The following EXPH5 variants were observed in gnomAD, a reference collection of about 807,000 sequenced individuals.
EXPH5 encodes the protein exophilin 5.
In EXPH5, 42 loss-of-function variants were observed where a neutral mutation model predicts 41.1. The observed-to-expected ratio is 1.02, with a 90% CI of 0.80 to 1.32. The LOEUF (loss-of-function observed/expected upper bound fraction) is 1.32. EXPH5 is among the 40% of genes most tolerant of loss of function. The pLI is 0.00. For missense variants in EXPH5, 2,298 were observed against 2,314.5 expected, an observed-to-expected ratio of 0.99 and a Z score of 0.15; for synonymous variants, 798 against 833.5, an observed-to-expected ratio of 0.96 and a Z score of 0.73.
chr11:108,525,858 T>C (rs184570024), intron 4 of EXPH5, among the ~76,000 whole-genome samples: 2 of 152,078 alleles, frequency 1.3e-5, no homozygotes, highest in East Asian at 3.9e-4. Context: ...AATTTAGAGA[T>C]AGTGCTTTCA....
At chr11:108,542,900 G>A (rs2093920034) in intron 1 of EXPH5, among the ~76,000 whole-genome samples, 2 of 152,054 alleles carry the variant, frequency 1.3e-5, no homozygotes, top group African/African-American at 4.8e-5. Context: ...TGTATTTTTA[G>A]TAGAGACGGG....
Position 108,513,014 on chromosome 11 carries a change from CTGGTGACAACCT to C in EXPH5, c.2481_2492del (p.Gly828_Gln831del), listed in dbSNP as rs1303552972. 1.9e-6 allele frequency: 3 copies of C among 1,613,972 alleles called. No homozygotes were observed. The highest frequency in any genetic ancestry group is 2.5e-6 in the Non-Finnish European group (3 of 1,179,974). On this transcript the variant is annotated inframe_deletion, in exon 6 of 6. Coordinates refer to ENST00000265843, the MANE Select transcript of EXPH5 (RefSeq NM_015065.3). ...TATCTTCATTATTTACAGTTAATTCCTGGTGACAACCTTGGTCTGTCCTGGGGAAAGATGGTG... is the reference window on the plus strand; with the variant it reads ...TATCTTCATTATTTACAGTTAATTCCTGGTCTGTCCTGGGGAAAGATGGTG...
chr11:108,514,008 A>C lies in EXPH5; in HGVS notation c.1499T>G (p.Phe500Cys), dbSNP rs781414657. 3 of 1,613,772 alleles carry C rather than the reference A, an allele frequency of 1.9e-6. No individual in the cohort carries two copies. The highest frequency in any genetic ancestry group is 2.5e-6 in the Non-Finnish European group (3 of 1,179,858). Residue 500 changes from phenylalanine (F) to cysteine (C), a missense_variant, in exon 6 of 6, where the codon TTC (phenylalanine) becomes TGC (cysteine). Phe to Cys is a radical substitution (Grantham distance 205). Transcript: ENST00000265843. ...TTCAAAGTCTCTGTCAGAAGAACTG[A>C]ATGATTTCCTGCTTCGATGAAAGTC... The part of the protein sequence containing the change: ...WSDFHRSRKS[F>C]SSSDRDFEMI...
At chr11:108,597,014 T>G (rs2094139775), upstream of EXPH5, among the ~76,000 whole-genome samples, 1 of 152,146 alleles carries the variant, frequency 6.6e-6, no homozygotes, top group African/African-American at 2.4e-5. Context: ...CTCATCAGTT[T>G]AGTATTTAAT....
Position 108,517,636 on chromosome 11 carries a change from ACAAGGTTAATTGTCT to A in EXPH5, c.631+584_631+598del, listed in dbSNP as rs531178757. Among the ~76,000 whole-genome samples, 186 of 152,370 alleles carry A rather than the reference ACAAGGTTAATTGTCT, an allele frequency of 1.2e-3. 1 individual carries two copies. The highest frequency in any genetic ancestry group is 4.1e-3 in the African/African-American group (172 of 41,582). On this transcript the variant is annotated intron_variant, in intron 5 of 5. Transcript: ENST00000265843. Reference sequence around the variant, plus strand: ...AACCTGTCTCAGTTTTTATCATCATACAAGGTTAATTGTCTAATGTCAATTAGATTTTATCACAGT... The same window carrying A: ...AACCTGTCTCAGTTTTTATCATCATAAATGTCAATTAGATTTTATCACAGT...
At chr11:108,574,829 A>G (rs1290901373) in intron 1 of EXPH5, among the ~76,000 whole-genome samples, 1 of 152,240 alleles carries the variant, frequency 6.6e-6, no homozygotes, top group Admixed American at 6.5e-5. Context: ...CTTCTTGGAT[A>G]TATACCCAAA....
At chr11:108,604,305 A>C in the EXPH5 span, among the ~76,000 whole-genome samples, 3 of 149,668 alleles carry the variant, frequency 2.0e-5, no homozygotes, top group Non-Finnish European at 4.4e-5. Flanking sequence ...CTGAGGTGGG[A>C]GGATCATTGG....
intron 1 of EXPH5, among the ~76,000 whole-genome samples, chr11:108,563,744 C>T (rs2640755): frequency 0.66 from 100,821 of 152,008 alleles, 34,566 homozygotes; most frequent in Non-Finnish European, 0.74. Flanking sequence ...AAAACCACCA[C>T]TGAAGGGGTG....
intron 1 of EXPH5, among the ~76,000 whole-genome samples, chr11:108,574,568 G>C (rs2094073868): frequency 6.6e-6 from 1 of 152,126 alleles, no homozygotes; most frequent in Non-Finnish European, 1.5e-5. Context: ...ATTAAACAGT[G>C]TTGACTGCCT....
At chr11:108,602,963 C>T in the EXPH5 span, among the ~76,000 whole-genome samples, 7 of 152,116 alleles carry the variant, frequency 4.6e-5, no homozygotes, top group South Asian at 2.1e-4. Context: ...GATTGGATCA[C>T]GGGAGCGATT....
At chr11:108,595,972 C>T (rs374531259), upstream of EXPH5, among the ~76,000 whole-genome samples, 15 of 152,056 alleles carry the variant, frequency 9.9e-5, no homozygotes, top group African/African-American at 2.9e-4. Context: ...GAGGCGGAGG[C>T]GGGCAGATCA....
intron 1 of EXPH5, among the ~76,000 whole-genome samples, chr11:108,574,920 G>C (rs560642346): frequency 6.6e-6 from 1 of 152,252 alleles, no homozygotes; most frequent in Non-Finnish European, 1.5e-5. Flanking sequence ...CAGCTATTTT[G>C]CGTTACAAAG....
intron 1 of EXPH5, among the ~76,000 whole-genome samples, chr11:108,582,782 A>T (rs2094102481): frequency 6.6e-6 from 1 of 152,180 alleles, no homozygotes. Flanking sequence ...CCTCTCTCCT[A>T]GCTTCTGAAG....
At chr11:108,564,280 G>A (rs1299644447) in intron 1 of EXPH5, among the ~76,000 whole-genome samples, 3 of 151,516 alleles carry the variant, frequency 2.0e-5, no homozygotes, top group East Asian at 3.9e-4. Context: ...AGAACAAGAC[G>A]GTCTAAAAAA....
chr11:108,536,272 CT>C (rs1372713212), intron 3 of EXPH5, among the ~76,000 whole-genome samples: 1 of 148,326 alleles, frequency 6.7e-6, no homozygotes, highest in African/African-American at 2.5e-5. Flanking sequence ...AGTGGTAAAT[CT>C]TTTTGCCTTT....
intron 1 of EXPH5, among the ~76,000 whole-genome samples, chr11:108,561,744 C>A (rs573583941): frequency 6.6e-6 from 1 of 152,248 alleles, no homozygotes; most frequent in South Asian, 2.1e-4. Context: ...CCAAGTAAGA[C>A]AAACTAAAGT....
At chr11:108,529,844 CAAA>C (rs1190347075) in intron 3 of EXPH5, among the ~76,000 whole-genome samples, 5 of 93,730 alleles carry the variant, frequency 5.3e-5, no homozygotes, top group African/African-American at 7.5e-5. Context: ...AACTCTGTCT[CAAA>C]AAAAAAAAAA....
At chr11:108,597,840 C>T (rs545609963), upstream of EXPH5, among the ~76,000 whole-genome samples, 1 of 151,990 alleles carries the variant, frequency 6.6e-6, no homozygotes, top group East Asian at 1.9e-4. Context: ...TTAAAAAAAA[C>T]CACAAAAACT....
chr11:108,528,007 G>T, intron 4 of EXPH5, 129 bp downstream of exon 4: 1 of 612,876 alleles, frequency 1.6e-6, no homozygotes, highest in Non-Finnish European at 2.9e-6. Context: ...GAACTCTTAG[G>T]GAGAAATCCA....
Sources: allele counts gnomAD v4.1 joint callset (sites outside exome capture counted in the v4.1 genomes callset), GRCh38; gene constraint gnomAD v4.1.1; transcripts MANE v1.5; gene names NCBI Gene and HGNC (gene_info 2026-07-23, HGNC 2026-07-21).